The following PLXNC1 variants were observed in gnomAD, a reference collection of about 807,000 sequenced individuals.
PLXNC1 encodes plexin C1.
In PLXNC1, 75 loss-of-function variants were observed where a neutral mutation model predicts 178.2. The observed-to-expected ratio is 0.42, with a 90% CI of 0.35 to 0.51. The LOEUF (loss-of-function observed/expected upper bound fraction) is 0.51. PLXNC1 is among the 20% of genes least tolerant of loss of function. PLXNC1 has a pLI of 0.02. For missense variants in PLXNC1, 1,503 were observed against 1,984.4 expected, an observed-to-expected ratio of 0.76 and a Z score of 4.61; for synonymous variants, 790 against 779.9, an observed-to-expected ratio of 1.01 and a Z score of -0.22.
intron 1 of PLXNC1, among the ~76,000 whole-genome samples, chr12:94,152,241 T>C (rs1236207778): frequency 6.6e-6 from 1 of 152,218 alleles, no homozygotes; most frequent in African/African-American, 2.4e-5. Context: ...TGAAAAGCCT[T>C]AATGGAATTG....
chr12:94,230,669 G>T (rs1028658967), intron 9 of PLXNC1, among the ~76,000 whole-genome samples: 2 of 152,222 alleles, frequency 1.3e-5, no homozygotes, highest in African/African-American at 4.8e-5. Context: ...TTATCAGGTG[G>T]AATGTGTAAC....
At chr12:94,206,680 A>T (rs764677137) in intron 4 of PLXNC1, among the ~76,000 whole-genome samples, 3 of 152,230 alleles carry the variant, frequency 2.0e-5, no homozygotes, top group African/African-American at 7.2e-5. Flanking sequence ...TCAGTAGAGG[A>T]TGGAGCAAAA....
At position 94,149,084 on chromosome 12, in the gene PLXNC1, C is replaced by T. The variant is rs756886330; in HGVS notation, c.113C>T (p.Pro38Leu). Residue 38 changes from proline to leucine, a missense_variant, in exon 1 of 31, where the codon CCC becomes CTC. Around this residue, in one of 4 missense-constraint regions of PLXNC1, gnomAD observed 176 missense variants for 180.7 expected, o/e 0.97. Coordinates refer to ENST00000258526, the MANE Select transcript of PLXNC1 (RefSeq NM_005761.3). ...LAAPGRGADE[P>L]VWRSEQAIGA... Reference sequence around the variant, plus strand: ...GCTCCCGGCCGGGGCGCGGACGAGCCCGTGTGGCGGTCGGAGCAAGCCATC... The same window carrying T: ...GCTCCCGGCCGGGGCGCGGACGAGCTCGTGTGGCGGTCGGAGCAAGCCATC... 4 of 1,576,128 alleles carry T rather than the reference C, an allele frequency of 2.5e-6. No individual in the cohort carries two copies. The highest frequency in any genetic ancestry group is 1.8e-5 in the Admixed American group (1 of 56,974).
intron 12 of PLXNC1, among the ~76,000 whole-genome samples, chr12:94,245,379 A>G (rs1351001486): frequency 6.6e-6 from 1 of 152,226 alleles, no homozygotes; most frequent in East Asian, 1.9e-4. Context: ...CAGCAAATCT[A>G]CATTGGGATT....
At chr12:94,239,195 T>C (rs567198176) in intron 10 of PLXNC1, among the ~76,000 whole-genome samples, 1 of 152,326 alleles carries the variant, frequency 6.6e-6, no homozygotes, top group East Asian at 1.9e-4. Flanking sequence ...GAAGCCAAGT[T>C]CACAAGCAGT....
chr12:94,263,067 G>A (rs182942082), intron 20 of PLXNC1, among the ~76,000 whole-genome samples: 1 of 152,168 alleles, frequency 6.6e-6, no homozygotes, highest in Non-Finnish European at 1.5e-5. Flanking sequence ...GTCGAAGCCT[G>A]GCCCCTGGGG....
chr12:94,178,349 G>T (rs1962178838), intron 2 of PLXNC1, among the ~76,000 whole-genome samples: 1 of 152,144 alleles, frequency 6.6e-6, no homozygotes. Flanking sequence ...CATTATGGGT[G>T]GTGCTGCCCA....
At chr12:94,164,706 C>T (rs1025440208) in intron 1 of PLXNC1, among the ~76,000 whole-genome samples, 2 of 141,590 alleles carry the variant, frequency 1.4e-5, no homozygotes, top group South Asian at 2.4e-4. Context: ...CACACACACA[C>T]GTACACACAC....
At chr12:94,194,959 T>C (rs1962862239) in intron 4 of PLXNC1, among the ~76,000 whole-genome samples, 1 of 152,138 alleles carries the variant, frequency 6.6e-6, no homozygotes, top group African/African-American at 2.4e-5. Flanking sequence ...AAATTGGCCT[T>C]GAAGCCTGGG....
intron 11 of PLXNC1, among the ~76,000 whole-genome samples, chr12:94,242,048 A>G (rs961537054): frequency 6.6e-6 from 1 of 152,042 alleles, no homozygotes; most frequent in Non-Finnish European, 1.5e-5. Context: ...AGAGAAGAAA[A>G]AAATCACTTT....
chr12:94,272,122 A>G (rs949796394), intron 21 of PLXNC1: 1 of 152,086 alleles, frequency 6.6e-6, no homozygotes, highest in African/African-American at 2.4e-5. Flanking sequence ...ACATTTTCCA[A>G]TAGTCTTTTC....
intron 5 of PLXNC1, 72 bp from the exon 6 acceptor site, chr12:94,219,944 T>A (rs897680968): frequency 7.0e-7 from 1 of 1,435,640 alleles, no homozygotes; most frequent in South Asian, 1.2e-5. Flanking sequence ...AAGGGTGAGA[T>A]CATATGAGGC....
At chr12:94,259,438 T>A in intron 18 of PLXNC1, 63 bp downstream of exon 18, 1 of 1,277,328 alleles carries the variant, frequency 7.8e-7, no homozygotes. Flanking sequence ...GTTATCATCA[T>A]CACTATCATC....
At chr12:94,254,989 T>G (rs1216072955) in intron 16 of PLXNC1, 101 bp downstream of exon 16, 38 of 1,054,892 alleles carry the variant, frequency 3.6e-5, no homozygotes, top group Non-Finnish European at 4.9e-5. Context: ...GAGAACTGTT[T>G]GTATAATAGA....
At chr12:94,219,807 A>ATTTATTTATTTG (rs1555200399) in intron 5 of PLXNC1, among the ~76,000 whole-genome samples, 37 of 46,676 alleles carry the variant, frequency 7.9e-4, no homozygotes, top group Non-Finnish European at 1.1e-3. Flanking sequence ...TTATATTTTT[A>ATTTATTTATTTG]TTTATTTATT....
chr12:94,169,043 A>T, intron 1 of PLXNC1, 110 bp from the exon 2 acceptor site: 1 of 977,116 alleles, frequency 1.0e-6, no homozygotes, highest in Non-Finnish European at 1.5e-6. Flanking sequence ...TGTGGGGCCC[A>T]GAAGTGAGAT....
At chr12:94,186,612 A>G (rs1962519216) in intron 4 of PLXNC1, 139 bp downstream of exon 4, 4 of 621,258 alleles carry the variant, frequency 6.4e-6, no homozygotes, top group Non-Finnish European at 1.2e-5. Context: ...CTTGTTGTGC[A>G]ATCCTAATGA....
chr12:94,223,352 G>A (rs538732785), intron 6 of PLXNC1, among the ~76,000 whole-genome samples: 3 of 152,214 alleles, frequency 2.0e-5, no homozygotes, highest in Non-Finnish European at 4.4e-5. Context: ...GCACTGGTCC[G>A]TGGACAGAAG....
intron 11 of PLXNC1, among the ~76,000 whole-genome samples, chr12:94,243,034 G>A (rs1391472304): frequency 1.3e-5 from 2 of 152,252 alleles, no homozygotes; most frequent in African/African-American, 2.4e-5. Flanking sequence ...CAAGAATGTG[G>A]CTCTAAATGC....
Sources: allele counts gnomAD v4.1 joint callset (sites outside exome capture counted in the v4.1 genomes callset), GRCh38; gene constraint gnomAD v4.1.1; regional missense constraint gnomAD v4.1.1; transcripts MANE v1.5; gene names NCBI Gene and HGNC (gene_info 2026-07-23, HGNC 2026-07-21).